The following RFX7 variants were observed in gnomAD, a reference collection of about 807,000 sequenced individuals.
The protein encoded by RFX7 is regulatory factor X7.
Under a neutral mutation model 111.8 loss-of-function variants are expected in RFX7, and 26 were observed. That is an observed-to-expected ratio of 0.23 (90% CI 0.17 to 0.32). The LOEUF is 0.32. Among genes scored for constraint, RFX7 ranks in the 10% least tolerant of loss-of-function variants. The pLI, the probability that RFX7 is intolerant of heterozygous loss-of-function variation, is 1.00. For synonymous variants in RFX7, 624 were observed against 624.4 expected (o/e 1.00, Z 0.01); for missense variants, 1,573 against 1,772.9 (o/e 0.89, Z 2.02).
chr15:56,104,020 C>G (rs1375523984), intron 5 of RFX7, among the ~76,000 whole-genome samples: 1 of 152,170 alleles, frequency 6.6e-6, no homozygotes, highest in Non-Finnish European at 1.5e-5. Flanking sequence ...ATCAGGCTCA[C>G]ATACTGGGAT....
intron 4 of RFX7, 21 bp downstream of exon 4, chr15:56,144,380 C>T (rs536329355): frequency 7.7e-7 from 1 of 1,296,422 alleles, no homozygotes; most frequent in African/African-American, 1.5e-5. Context: ...ATAATTATAG[C>T]AAAGACAAGA....
In RFX7 at chr15:56,096,589, G is replaced by T; in HGVS notation, c.1139C>A (p.Pro380Gln). ...VQRTRQLVTS[P>Q]SPMSSSDGKV... ...GCCGTCAGAAGAACTCATTGGACTC[G>T]GTGAAGTTACCAATTGCCTAGTCCG... The change falls in exon 10 of 10, where the codon CCG becomes CAG. Residue 380 changes from proline to glutamine, a missense_variant. Physicochemically the swap from Pro to Gln is moderately conservative, Grantham distance 76. Coordinates refer to ENST00000559447, the MANE Select transcript of RFX7 (RefSeq NM_022841.7). 1 of 1,591,754 alleles carries T rather than the reference G, an allele frequency of 6.3e-7. No homozygotes were observed. The highest frequency in any genetic ancestry group is 2.3e-5 in the East Asian group (1 of 44,082).
intron 2 of RFX7, among the ~76,000 whole-genome samples, chr15:56,242,442 GT>G (rs2043706659): frequency 6.6e-6 from 1 of 151,338 alleles, no homozygotes; most frequent in Non-Finnish European, 1.5e-5. Flanking sequence ...TCCATCAATG[GT>G]TTCTTTTAAA....
intron 2 of RFX7, among the ~76,000 whole-genome samples, chr15:56,201,893 C>A (rs990487895): frequency 6.6e-5 from 10 of 151,932 alleles, no homozygotes; most frequent in Non-Finnish European, 1.3e-4. Flanking sequence ...TAGCTGGGCA[C>A]GGTGGCGGGC....
chr15:56,095,519 G>T lies in RFX7; in HGVS notation c.2209C>A (p.Leu737Ile). Residue 737 changes from leucine to isoleucine, a missense_variant, in exon 10 of 10, where the codon CTT (leucine) becomes ATT (isoleucine). Leu to Ile is a conservative substitution (Grantham distance 5, BLOSUM62 2). This residue lies in a region of RFX7 where 625 missense variants were observed against 632.2 expected (regional missense o/e 0.99). Transcript: ENST00000559447. The stretch of plus-strand genomic sequence containing the variant: ...TCCAAAGCTGAATCACTGATAACAA[G>T]GGCAGAGGAATTCAAGGGTTGATTT... Reference protein sequence around the residue: ...GANQPLNSSALVISDSALEQQ... With the variant: ...GANQPLNSSAIVISDSALEQQ... The T allele has an allele frequency of 6.2e-7, 1 of 1,613,352 alleles. No individual in the cohort carries two copies. Among genetic ancestry groups the T allele is most frequent in the Non-Finnish European group, 8.5e-7 (1 of 1,179,848 alleles).
intron 5 of RFX7, among the ~76,000 whole-genome samples, chr15:56,105,456 A>G (rs1458778224): frequency 6.6e-6 from 1 of 152,112 alleles, no homozygotes; most frequent in East Asian, 1.9e-4. Flanking sequence ...AATAAACATT[A>G]AAGAAACACA....
chr15:56,178,137 C>CA (rs755049971), intron 3 of RFX7, among the ~76,000 whole-genome samples: 3,940 of 97,216 alleles, frequency 0.041, 178 homozygotes, highest in African/African-American at 0.12. Flanking sequence ...TATTATAAGA[C>CA]AAAAAAAAAA....
chr15:56,177,086 G>A (rs1245962922), intron 3 of RFX7, among the ~76,000 whole-genome samples: 4 of 151,922 alleles, frequency 2.6e-5, no homozygotes, highest in Non-Finnish European at 4.4e-5. Flanking sequence ...ACTTCCTTCC[G>A]TAAGTTCCAG....
chr15:56,139,882 G>T (rs2042363309), intron 5 of RFX7, among the ~76,000 whole-genome samples: 1 of 152,222 alleles, frequency 6.6e-6, no homozygotes, highest in East Asian at 1.9e-4. Flanking sequence ...GCAGTGTGAG[G>T]TGTCAGTGTG....
At chr15:56,162,242 T>TAGGC (rs1254789725) in intron 3 of RFX7, among the ~76,000 whole-genome samples, 1 of 152,060 alleles carries the variant, frequency 6.6e-6, no homozygotes, top group Non-Finnish European at 1.5e-5. Context: ...AACAAACAGG[T>TAGGC]AGGCCATTGA....
intron 2 of RFX7, 138 bp downstream of exon 2, chr15:56,242,987 G>T: frequency 1.6e-6 from 1 of 623,872 alleles, no homozygotes; most frequent in Non-Finnish European, 2.5e-6. Flanking sequence ...TCCTACAAAT[G>T]TGCACCCGAC....
chr15:56,194,221 T>C (rs1033217937), intron 2 of RFX7, among the ~76,000 whole-genome samples: 4 of 152,160 alleles, frequency 2.6e-5, no homozygotes, highest in Non-Finnish European at 4.4e-5. Context: ...TTCAATGCTA[T>C]TTTTACATTT....
At position 56,095,308 on chromosome 15, in the gene RFX7, A is replaced by G. The variant is rs1436783445; in HGVS notation, c.2420T>C (p.Ile807Thr). 8 of 1,613,962 alleles carry G rather than the reference A, an allele frequency of 5.0e-6. 1 individual carries two copies. The South Asian group carries it at 5.5e-5, about 11-fold the overall frequency. Residue 807 changes from isoleucine to threonine, a missense_variant, in exon 10 of 10, where the codon ATT becomes ACT. Around this residue, in one of 7 missense-constraint regions of RFX7, gnomAD observed 625 missense variants for 632.2 expected, o/e 0.99. Transcript: ENST00000559447. ...GTCATTGATATCAGAGTGCTCAGGAATTGTCATAACACTGATATCTTGCTG... is the reference window on the plus strand; with the variant it reads ...GTCATTGATATCAGAGTGCTCAGGAGTTGTCATAACACTGATATCTTGCTG... ...EQQQDISVMT[I>T]PEHSDINDLE...
intron 3 of RFX7, among the ~76,000 whole-genome samples, chr15:56,152,493 C>T (rs2042585228): frequency 6.6e-6 from 1 of 152,118 alleles, no homozygotes; most frequent in Admixed American, 6.5e-5. Context: ...TAAAGATGTT[C>T]TTTGAAACCA....
intron 3 of RFX7, among the ~76,000 whole-genome samples, chr15:56,161,326 A>G (rs2042717640): frequency 6.6e-6 from 1 of 152,090 alleles, no homozygotes; most frequent in Non-Finnish European, 1.5e-5. Context: ...AGAAATTCCA[A>G]TATTAAGAAG....
chr15:56,230,586 C>T (rs1306297931), intron 2 of RFX7, among the ~76,000 whole-genome samples: 1 of 152,108 alleles, frequency 6.6e-6, no homozygotes, highest in African/African-American at 2.4e-5. Context: ...TTCACTAGTA[C>T]CTACCACTAG....
At chr15:56,148,712 G>C (rs2042521256) in intron 3 of RFX7, among the ~76,000 whole-genome samples, 1 of 152,184 alleles carries the variant, frequency 6.6e-6, no homozygotes, top group Admixed American at 6.5e-5. Flanking sequence ...AGTCCACTTT[G>C]CAGTTAGCTT....
chr15:56,210,594 G>A (rs1368295265), intron 2 of RFX7, among the ~76,000 whole-genome samples: 1 of 151,958 alleles, frequency 6.6e-6, no homozygotes, highest in Non-Finnish European at 1.5e-5. Flanking sequence ...TTTAAAAATA[G>A]AAATTATAGA....
intron 2 of RFX7, chr15:56,193,155 C>T (rs576023909): frequency 6.2e-4 from 140 of 224,636 alleles, no homozygotes; most frequent in Non-Finnish European, 9.8e-4. Context: ...GTCACTGCAG[C>T]AACCTGTGTG....
Sources: allele counts gnomAD v4.1 joint callset (sites outside exome capture counted in the v4.1 genomes callset), GRCh38; gene constraint gnomAD v4.1.1; regional missense constraint gnomAD v4.1.1; transcripts MANE v1.5; gene names NCBI Gene and HGNC (gene_info 2026-07-23, HGNC 2026-07-21).